EYS: variants seen among roughly 807,000 people sequenced by gnomAD.
EYS encodes EGF-like photoreceptor maintenance factor.
A neutral mutation model predicts 282.1 loss-of-function variants in EYS; 250 were observed. That is an observed-to-expected ratio of 0.89 (90% CI 0.80 to 0.98). The LOEUF (loss-of-function observed/expected upper bound fraction) is 0.98. Ranked by LOEUF, EYS falls within the 50% of genes least tolerant of loss-of-function variation. The pLI is 0.00. For synonymous variants in EYS, 1,355 were observed against 1,282.9 expected, an observed-to-expected ratio of 1.06 and a Z score of -1.20; for missense variants, 4,016 against 3,709.0, an observed-to-expected ratio of 1.08 and a Z score of -2.15.
chr6:63,853,704 G>T (rs1459292964), intron 36 of EYS, among the ~76,000 whole-genome samples: 1 of 152,178 alleles, frequency 6.6e-6, no homozygotes, highest in Non-Finnish European at 1.5e-5. Flanking sequence ...GAACAAAGCT[G>T]GAGGCATCAC....
At position 64,230,792 on chromosome 6, in the gene EYS, G is replaced by C; in HGVS notation, c.6224C>G (p.Ser2075Cys). ...SQGFMLSPTA[S>C]FVDASDVTQG... Reference sequence around the variant, plus strand: ...TGTCACATCAGAAGCATCAACAAAGGAGGCTGTTGGAGACAGCATAAATCC... The same window carrying C: ...TGTCACATCAGAAGCATCAACAAAGCAGGCTGTTGGAGACAGCATAAATCC... The change falls in exon 31 of 43, where the codon TCC (serine) becomes TGC (cysteine). Residue 2075 changes from serine to cysteine, a missense_variant. Ser to Cys is a moderately radical substitution (Grantham distance 112). Coordinates refer to ENST00000503581, the MANE Select transcript of EYS (RefSeq NM_001142800.2). 1.9e-6 allele frequency: 3 copies of C among 1,550,814 alleles called. No individual in the cohort carries two copies. Among genetic ancestry groups the C allele is most frequent in the Non-Finnish European group, 2.6e-6 (3 of 1,146,362 alleles).
chr6:65,357,087 A>T (rs1390684245), intron 8 of EYS, among the ~76,000 whole-genome samples: 1 of 152,020 alleles, frequency 6.6e-6, no homozygotes, highest in African/African-American at 2.4e-5. Flanking sequence ...CTGAGCCATT[A>T]ATCTTGAAGC....
intron 2 of EYS, among the ~76,000 whole-genome samples, chr6:65,517,607 C>T (rs1210681922): frequency 2.6e-5 from 4 of 151,972 alleles, no homozygotes; most frequent in Non-Finnish European, 4.4e-5. Flanking sequence ...TTTTTATCAA[C>T]TTATCTGTGC....
At chr6:64,373,600 G>A (rs1169889067) in intron 29 of EYS, among the ~76,000 whole-genome samples, 1 of 152,108 alleles carries the variant, frequency 6.6e-6, no homozygotes, top group African/African-American at 2.4e-5. Flanking sequence ...CCATCCGGGT[G>A]TTTCCAAGGC....
rs779104405 is a variant in EYS, at chr6:64,808,008, CCCTCCCTCCTTCCTT to C, written c.3443+5355_3443+5369del. Among the ~76,000 whole-genome samples the C allele has an allele frequency of 2.7e-4, 41 of 149,832 alleles. 1 individual carries two copies. The highest frequency in any genetic ancestry group is 3.4e-3 in the Middle Eastern group (1 of 294). On this transcript the variant is annotated intron_variant, in intron 22 of 42. Transcript: ENST00000503581. ...TCCGTCCTTCCCTTACTTCCTTCCTCCCTCCCTCCTTCCTTCCTCCCTCCTTCCTTCCTCCTTTCC... is the reference window on the plus strand; with the variant it reads ...TCCGTCCTTCCCTTACTTCCTTCCTCCCTCCCTCCTTCCTTCCTCCTTTCC...
At chr6:65,502,150 C>T (rs1376186658) in intron 2 of EYS, among the ~76,000 whole-genome samples, 1 of 151,614 alleles carries the variant, frequency 6.6e-6, no homozygotes, top group Non-Finnish European at 1.5e-5. Flanking sequence ...AAGTCAAAGG[C>T]TATATGCGAC....
intron 19 of EYS, among the ~76,000 whole-genome samples, chr6:64,857,374 C>G (rs1272149771): frequency 6.6e-6 from 1 of 152,048 alleles, no homozygotes; most frequent in Non-Finnish European, 1.5e-5. Flanking sequence ...CTTTCTGTGC[C>G]TGGCCTATTT....
At chr6:64,058,460 A>G (rs1771058571) in intron 33 of EYS, among the ~76,000 whole-genome samples, 1 of 151,972 alleles carries the variant, frequency 6.6e-6, no homozygotes. Context: ...CTCTAACCAT[A>G]ATGATAAATT....
intron 28 of EYS, among the ~76,000 whole-genome samples, chr6:64,390,958 C>T (rs891659665): frequency 6.6e-6 from 1 of 151,270 alleles, no homozygotes; most frequent in African/African-American, 2.4e-5. Flanking sequence ...AACCAAGGCT[C>T]GAGAACTACG....
chr6:63,908,031 T>TATATATACAA (rs1491523191), intron 35 of EYS, among the ~76,000 whole-genome samples: 1 of 50,188 alleles, frequency 2.0e-5, no homozygotes, highest in African/African-American at 9.3e-5. Flanking sequence ...TATATATATA[T>TATATATACAA]ACGTTTGTGT....
At position 65,010,655 on chromosome 6, in the gene EYS, A is replaced by C. The variant is rs1771837240; in HGVS notation, c.2138-12952T>G. ...CAGTGATAATGGAATACTTGAAAGT[A>C]ATCCCTTCACTGCAGGAACTAGTGC... On this transcript the variant is annotated intron_variant, in intron 13 of 42. Coordinates refer to ENST00000503581, the MANE Select transcript of EYS (RefSeq NM_001142800.2). Among the ~76,000 whole-genome samples the C allele has an allele frequency of 4.6e-5, 7 of 152,326 alleles. No individual in the cohort carries two copies. In the South Asian group the frequency reaches 1.2e-3, roughly 27 times the overall value.
Position 65,495,414 on chromosome 6 carries a change from C to T in EYS, c.-4G>A, listed in dbSNP as rs185441774. The T allele has an allele frequency of 3.9e-5, 62 of 1,607,964 alleles. No individual in the cohort carries two copies. The highest frequency in any genetic ancestry group is 6.7e-5 in the African/African-American group (5 of 75,006). Reference sequence around the variant, plus strand: ...TGACGATTGATTTGTCAGTCATTTTCGGGTAGCTGTATTTTACAGTTTATC... The same window carrying T: ...TGACGATTGATTTGTCAGTCATTTTTGGGTAGCTGTATTTTACAGTTTATC... On this transcript the variant is annotated 5_prime_UTR_variant, in exon 4 of 43. Coordinates refer to ENST00000503581, the MANE Select transcript of EYS (RefSeq NM_001142800.2).
intron 22 of EYS, among the ~76,000 whole-genome samples, chr6:64,762,715 C>G (rs1773200532): frequency 1.3e-5 from 2 of 151,998 alleles, no homozygotes; most frequent in South Asian, 4.1e-4. Flanking sequence ...AACCATGGTG[C>G]TCACCCCTCA....
At chr6:65,273,801 G>A (rs1767968809) in intron 12 of EYS, among the ~76,000 whole-genome samples, 1 of 152,116 alleles carries the variant, frequency 6.6e-6, no homozygotes, top group South Asian at 2.1e-4. Flanking sequence ...ACCCCACTCT[G>A]TCTTTGTTCA....
At chr6:65,458,902 C>CAT (rs1051679015) in intron 5 of EYS, among the ~76,000 whole-genome samples, 1 of 151,838 alleles carries the variant, frequency 6.6e-6, no homozygotes, top group African/African-American at 2.4e-5. Flanking sequence ...AGCCTAATAG[C>CAT]ATATATATAT....
rs183929720 is a variant in EYS, at chr6:65,522,144, T to C, written c.-332-26151A>G. 3.5e-3 allele frequency among the ~76,000 whole-genome samples: 533 copies of C among 152,326 alleles called. 3 individuals are homozygous for C. Among genetic ancestry groups the C allele is most frequent in the South Asian group, 0.032 (156 of 4,828 alleles). On this transcript the variant is annotated intron_variant, in intron 2 of 42. Transcript: ENST00000503581. ...AAAAAAATACTCTGATGTAAATCTA[T>C]TATGTAAGCTTTAGATTTCATTCTA...
intron 22 of EYS, among the ~76,000 whole-genome samples, chr6:64,773,349 T>A (rs528586113): frequency 6.6e-6 from 1 of 151,992 alleles, no homozygotes; most frequent in African/African-American, 2.4e-5. Context: ...CCATGGTATA[T>A]ATGTACATTT....
intron 30 of EYS, among the ~76,000 whole-genome samples, chr6:64,280,763 C>T (rs931846767): frequency 6.6e-6 from 1 of 152,086 alleles, no homozygotes; most frequent in Non-Finnish European, 1.5e-5. Context: ...AGTCATCTAG[C>T]TCCAGGGGGC....
intron 33 of EYS, among the ~76,000 whole-genome samples, chr6:64,023,543 C>T (rs529848333): frequency 1.3e-5 from 2 of 152,330 alleles, no homozygotes; most frequent in East Asian, 3.9e-4. Flanking sequence ...ACAGCTTCAC[C>T]AACACTTGTT....
Sources: gnomAD v4.1 joint callset for allele counts (sites outside exome capture counted in the v4.1 genomes callset) on GRCh38, gnomAD v4.1.1 for gene constraint, MANE v1.5 for transcripts, NCBI Gene and HGNC (gene_info 2026-07-23, HGNC 2026-07-21) for gene names.